Variants in NAV2 observed in about 807,000 individuals in gnomAD.
NAV2 encodes helicase, APC down-regulated 1.
Under a neutral mutation model 223.2 loss-of-function variants are expected in NAV2, and 54 were observed. The observed-to-expected ratio is 0.24, with a 90% confidence interval of 0.19 to 0.30. NAV2 has a LOEUF of 0.30. Among genes scored for constraint, NAV2 ranks in the 10% least tolerant of loss-of-function variants. The probability of loss-of-function intolerance (pLI) is 1.00; values close to 1 mark genes in which losing one functional copy is unlikely to be tolerated. For synonymous variants in NAV2, 1,279 were observed against 1,239.3 expected (o/e 1.03, Z -0.67); for missense variants, 2,806 against 3,147.5 (o/e 0.89, Z 2.60).
rs778831342 is a variant in NAV2, at chr11:19,733,464, G to A, written c.267+19502G>A. 1.5e-4 allele frequency among the ~76,000 whole-genome samples: 23 copies of A among 152,138 alleles called. 1 individual carries two copies. The highest frequency in any genetic ancestry group is 5.9e-5 in the Non-Finnish European group (4 of 68,040). On this transcript the variant is annotated intron_variant, in intron 1 of 37. Coordinates refer to ENST00000349880, the MANE Select transcript of NAV2 (RefSeq NM_145117.5). Reference sequence around the variant, plus strand: ...AGGTCTATGTGCTTTACGGGAGACCGAAACAGTGGAAGGCATGTGCTTGCC... The same window carrying A: ...AGGTCTATGTGCTTTACGGGAGACCAAAACAGTGGAAGGCATGTGCTTGCC...
At chr11:19,465,569 A>G (rs966562546) in intron 1 of NAV2, among the ~76,000 whole-genome samples, 2 of 152,232 alleles carry the variant, frequency 1.3e-5, no homozygotes, top group Non-Finnish European at 2.9e-5. Flanking sequence ...AAAGTTATAG[A>G]AACAGGAACT....
chr11:19,554,041 T>C (rs1486661817), intron 1 of NAV2, among the ~76,000 whole-genome samples: 3 of 152,178 alleles, frequency 2.0e-5, no homozygotes, highest in Non-Finnish European at 4.4e-5. Flanking sequence ...TACTGAAAAG[T>C]TGTGGGAGCT....
intron 10 of NAV2, among the ~76,000 whole-genome samples, chr11:19,960,846 A>T (rs2048302152): frequency 6.6e-6 from 1 of 151,980 alleles, no homozygotes; most frequent in Non-Finnish European, 1.5e-5. Context: ...TCCTGACCTC[A>T]AGTGATGCAC....
chr11:20,071,023 G>A (rs1296059394), intron 22 of NAV2, among the ~76,000 whole-genome samples: 2 of 151,982 alleles, frequency 1.3e-5, no homozygotes, highest in African/African-American at 2.4e-5. Context: ...CGTTACGTAC[G>A]TATACATGTG....
intron 3 of NAV2, among the ~76,000 whole-genome samples, chr11:19,849,401 T>C (rs873764): frequency 0.49 from 75,098 of 152,100 alleles, 18,778 homozygotes; most frequent in South Asian, 0.59. Context: ...GGAAAGGGCC[T>C]GAGTTGACCT....
intron 1 of NAV2, among the ~76,000 whole-genome samples, chr11:19,529,481 G>A (rs957090339): frequency 7.3e-5 from 11 of 151,314 alleles, no homozygotes; most frequent in East Asian, 2.0e-4. Context: ...GTTGAGACCC[G>A]CCCCACCCCA....
chr11:19,754,259 A>G (rs1305427064), intron 1 of NAV2, among the ~76,000 whole-genome samples: 1 of 151,944 alleles, frequency 6.6e-6, no homozygotes, highest in Non-Finnish European at 1.5e-5. Flanking sequence ...CTTCCTCTGC[A>G]TGACTTTTAA....
chr11:20,015,001 C>T (rs2053885876), intron 11 of NAV2, among the ~76,000 whole-genome samples: 2 of 151,736 alleles, frequency 1.3e-5, no homozygotes, highest in Non-Finnish European at 2.9e-5. Flanking sequence ...GAGGCTGAGG[C>T]GGGAGGATTG....
intron 1 of NAV2, among the ~76,000 whole-genome samples, chr11:19,692,207 C>T (rs747408321): frequency 1.4e-4 from 21 of 152,354 alleles, no homozygotes; most frequent in South Asian, 2.1e-4. Flanking sequence ...GCCTCACCAC[C>T]GGGGTTGCGG....
intron 1 of NAV2, among the ~76,000 whole-genome samples, chr11:19,386,317 AT>A (rs1322659487): frequency 6.6e-6 from 1 of 152,192 alleles, no homozygotes; most frequent in African/African-American, 2.4e-5. Flanking sequence ...GGGTTGCTCT[AT>A]TGCTGTGTGA....
At position 19,949,094 on chromosome 11, in the gene NAV2, G is replaced by T. The variant is rs1364617310; in HGVS notation, c.2645+14G>T. On this transcript the variant is annotated intron_variant, in intron 10 of 37. Coordinates refer to ENST00000349880, the MANE Select transcript of NAV2 (RefSeq NM_145117.5). Reference sequence around the variant, plus strand: ...CATTACAAGCGGGTAAGTACCCGGGGCCGCCCTTTCTCCCAGAGAGAAAGA... The same window carrying T: ...CATTACAAGCGGGTAAGTACCCGGGTCCGCCCTTTCTCCCAGAGAGAAAGA... The T allele has an allele frequency of 6.4e-7, 1 of 1,568,650 alleles. No homozygotes were observed. The highest frequency in any genetic ancestry group is 8.6e-7 in the Non-Finnish European group (1 of 1,156,530).
At chr11:19,363,087 C>A (rs1854051736) in intron 1 of NAV2, among the ~76,000 whole-genome samples, 1 of 152,068 alleles carries the variant, frequency 6.6e-6, no homozygotes, top group Admixed American at 6.6e-5. Flanking sequence ...TCCCATCAAC[C>A]CATCACCTAC....
At chr11:19,519,518 C>T (rs1000425419) in intron 1 of NAV2, among the ~76,000 whole-genome samples, 1 of 152,192 alleles carries the variant, frequency 6.6e-6, no homozygotes, top group African/African-American at 2.4e-5. Flanking sequence ...GGTTTGAACC[C>T]TGATGATGTA....
intron 1 of NAV2, 140 bp from the exon 2 acceptor site, chr11:19,832,344 C>T: frequency 1.4e-6 from 1 of 691,146 alleles, no homozygotes; most frequent in South Asian, 1.7e-5. Context: ...CAGCACAATG[C>T]ACTGAATTTT....
At chr11:19,748,692 G>T (rs1433510508) in intron 1 of NAV2, among the ~76,000 whole-genome samples, 1 of 152,196 alleles carries the variant, frequency 6.6e-6, no homozygotes, top group Non-Finnish European at 1.5e-5. Flanking sequence ...CTTACTTAAA[G>T]GTTCATGGGA....
At chr11:19,491,967 G>C (rs1001142280) in intron 1 of NAV2, among the ~76,000 whole-genome samples, 4 of 151,598 alleles carry the variant, frequency 2.6e-5, no homozygotes, top group East Asian at 1.9e-4. Context: ...GAGAGAGAGA[G>C]AGAGAGAGAG....
At chr11:19,917,899 G>A (rs970706944) in intron 6 of NAV2, among the ~76,000 whole-genome samples, 5 of 152,246 alleles carry the variant, frequency 3.3e-5, no homozygotes, top group Non-Finnish European at 4.4e-5. Context: ...TTACAAGCGT[G>A]ATCCACTGCA....
intron 1 of NAV2, among the ~76,000 whole-genome samples, chr11:19,397,418 T>TGCGTGTGTGTGTGTGTGTGC (rs1849502103): frequency 6.9e-6 from 1 of 145,262 alleles, no homozygotes; most frequent in Admixed American, 6.9e-5. Context: ...TGTGTGTGTG[T>TGCGTGTGTGTGTGTGTGTGC]GCGCGCATGT....
At chr11:19,408,787 C>A (rs935229933) in intron 1 of NAV2, among the ~76,000 whole-genome samples, 1 of 151,938 alleles carries the variant, frequency 6.6e-6, no homozygotes, top group African/African-American at 2.4e-5. Context: ...CTGGGCCTGG[C>A]TGATGCAAAC....
Sources: gnomAD v4.1 joint callset for allele counts (sites outside exome capture counted in the v4.1 genomes callset) on GRCh38, gnomAD v4.1.1 for gene constraint, MANE v1.5 for transcripts, NCBI Gene and HGNC (gene_info 2026-07-23, HGNC 2026-07-21) for gene names.